LRP1B: variants seen among roughly 807,000 people sequenced by gnomAD.
LRP1B encodes the protein low-density lipoprotein receptor-related protein 1B.
In LRP1B, 217 loss-of-function variants were observed where a neutral mutation model predicts 556.6. That is an observed-to-expected ratio of 0.39 (90% CI 0.35 to 0.44). LRP1B has a LOEUF of 0.44. LRP1B is among the 20% of genes least tolerant of loss of function. The probability of loss-of-function intolerance (pLI) is 1.00; values close to 1 mark genes in which losing one functional copy is unlikely to be tolerated. For synonymous variants in LRP1B, 2,047 were observed against 1,865.8 expected (o/e 1.10, Z -2.50); for missense variants, 5,053 against 5,620.8 (o/e 0.90, Z 3.23).
At chr2:140,506,773 C>A in intron 53 of LRP1B, 23 bp downstream of exon 53, 1 of 1,597,350 alleles carries the variant, frequency 6.3e-7, no homozygotes, top group South Asian at 1.1e-5. Context: ...GAATCTCCTT[C>A]ATGAAGTTTT....
At chr2:140,252,067 A>AAACAAAAAAAAAAAAAAAAAAC in intron 86 of LRP1B, among the ~76,000 whole-genome samples, 1 of 115,908 alleles carries the variant, frequency 8.6e-6, no homozygotes, top group Non-Finnish European at 1.8e-5. Context: ...AGATGCAAAA[A>AAACAAAAAAAAAAAAAAAAAAC]AAAAAAAAAA....
chr2:140,758,211 A>G (rs1436513598), intron 35 of LRP1B, among the ~76,000 whole-genome samples: 1 of 152,090 alleles, frequency 6.6e-6, no homozygotes, highest in Non-Finnish European at 1.5e-5. Context: ...AATCCACATA[A>G]TATAATGTAT....
At chr2:140,371,071 G>A (rs1682972970) in intron 70 of LRP1B, 108 bp downstream of exon 70, 8 of 867,412 alleles carry the variant, frequency 9.2e-6, no homozygotes, top group Non-Finnish European at 1.2e-5. Flanking sequence ...TATCTAACAT[G>A]TTAAACCATG....
chr2:140,499,744 G>A (rs371744607), intron 55 of LRP1B, among the ~76,000 whole-genome samples: 5 of 143,022 alleles, frequency 3.5e-5, no homozygotes, highest in African/African-American at 1.2e-4. Context: ...ATTTAGAAAC[G>A]TTTAAAAAAT....
At chr2:141,760,903 TC>T in intron 2 of LRP1B, among the ~76,000 whole-genome samples, 2 of 152,284 alleles carry the variant, frequency 1.3e-5, no homozygotes, top group East Asian at 3.9e-4. Flanking sequence ...ATTATTACTC[TC>T]CCCACTTTAC....
At chr2:140,872,558 T>G (rs959209441) in intron 25 of LRP1B, among the ~76,000 whole-genome samples, 8 of 151,802 alleles carry the variant, frequency 5.3e-5, no homozygotes, top group Non-Finnish European at 1.0e-4. Flanking sequence ...TTCAGTGTGG[T>G]CTCTACCCAG....
At chr2:141,242,044 A>G (rs1683898091) in intron 5 of LRP1B, among the ~76,000 whole-genome samples, 1 of 152,146 alleles carries the variant, frequency 6.6e-6, no homozygotes. Flanking sequence ...CACTAGTCTC[A>G]TAAGTTGTTA....
At chr2:141,167,769 T>C (rs1403222055) in intron 7 of LRP1B, among the ~76,000 whole-genome samples, 1 of 152,008 alleles carries the variant, frequency 6.6e-6, no homozygotes, top group East Asian at 1.9e-4. Context: ...CTTAAAATCA[T>C]AATCATTTCA....
At chr2:140,962,961 C>T (rs1696081193) in intron 18 of LRP1B, among the ~76,000 whole-genome samples, 2 of 152,056 alleles carry the variant, frequency 1.3e-5, no homozygotes, top group South Asian at 4.1e-4. Flanking sequence ...AAACTGGACC[C>T]TTTAAAAAAA....
chr2:141,923,055 T>C (rs1574495553), intron 1 of LRP1B, among the ~76,000 whole-genome samples: 1 of 151,914 alleles, frequency 6.6e-6, no homozygotes, highest in East Asian at 1.9e-4. Flanking sequence ...ATTGTGATTG[T>C]ACCACTGCAC....
intron 35 of LRP1B, among the ~76,000 whole-genome samples, chr2:140,750,706 T>C (rs1381304068): frequency 6.6e-6 from 1 of 152,178 alleles, no homozygotes; most frequent in Non-Finnish European, 1.5e-5. Context: ...ACTTATTGAC[T>C]ACAGTGACAT....
chr2:140,413,571 A>G (rs911902029), intron 66 of LRP1B, among the ~76,000 whole-genome samples: 4 of 152,264 alleles, frequency 2.6e-5, no homozygotes, highest in East Asian at 1.9e-4. Context: ...AAACAAGAAG[A>G]CACTTACCAT....
intron 43 of LRP1B, among the ~76,000 whole-genome samples, chr2:140,580,526 G>A (rs992611692): frequency 1.6e-4 from 25 of 152,110 alleles, no homozygotes; most frequent in African/African-American, 5.8e-4. Flanking sequence ...CAGAACAACT[G>A]TTTTCCTTTT....
rs1558795324 is a variant in LRP1B, at chr2:141,005,393, G to A, written c.2445C>T (p.Gly815=). ...CSTLCLAIPG[G]RVCACADNQL... The stretch of plus-strand genomic sequence containing the variant: ...GATTATCGGCACAAGCACACACCCG[G>A]CCTCCTGGGATAGCCAAGCAAAGTG... Residue 815 remains glycine (G), a synonymous_variant, in exon 15 of 91, where the codon GGC becomes GGT. Coordinates refer to ENST00000389484, the MANE Select transcript of LRP1B (RefSeq NM_018557.3). 2 of 1,611,132 alleles carry A rather than the reference G, an allele frequency of 1.2e-6. No individual in the cohort carries two copies. The highest frequency in any genetic ancestry group is 2.7e-5 in the African/African-American group (2 of 74,816).
Position 140,469,279 on chromosome 2 carries a change from A to G in LRP1B, c.9625+5859T>C, listed in dbSNP as rs531711645. ...ATGGTGCCCTTATAAAAGAAACTCAAAGGAGCTCACTAGCCCCTTCTGCTG... is the reference window on the plus strand; with the variant it reads ...ATGGTGCCCTTATAAAAGAAACTCAGAGGAGCTCACTAGCCCCTTCTGCTG... On this transcript the variant is annotated intron_variant, in intron 60 of 90. Coordinates refer to ENST00000389484, the MANE Select transcript of LRP1B (RefSeq NM_018557.3). Among the ~76,000 whole-genome samples the G allele has an allele frequency of 2.6e-5, 4 of 152,226 alleles. No individual in the cohort carries two copies. In the South Asian group the frequency reaches 8.3e-4, roughly 32 times the overall value.
chr2:141,943,895 C>A (rs561447267), intron 1 of LRP1B, among the ~76,000 whole-genome samples: 11 of 152,004 alleles, frequency 7.2e-5, no homozygotes, highest in Non-Finnish European at 1.3e-4. Flanking sequence ...AATTATTGGG[C>A]AAATAGGTAA....
chr2:141,056,827 T>C (rs1299767376), intron 9 of LRP1B, among the ~76,000 whole-genome samples: 1 of 151,884 alleles, frequency 6.6e-6, no homozygotes, highest in African/African-American at 2.4e-5. Context: ...TATATTTAAA[T>C]ATACCCTTGA....
At chr2:140,755,971 C>A (rs543078800) in intron 35 of LRP1B, among the ~76,000 whole-genome samples, 13 of 151,718 alleles carry the variant, frequency 8.6e-5, no homozygotes, top group Non-Finnish European at 1.9e-4. Flanking sequence ...AAGGGATCCA[C>A]TAAAAATCTA....
chr2:141,496,141 C>T (rs991903231), intron 2 of LRP1B, among the ~76,000 whole-genome samples: 1 of 151,818 alleles, frequency 6.6e-6, no homozygotes, highest in African/African-American at 2.4e-5. Flanking sequence ...TTTCGTCTTC[C>T]TTGATATTAT....
Sources: gnomAD v4.1 joint callset for allele counts (sites outside exome capture counted in the v4.1 genomes callset) on GRCh38, gnomAD v4.1.1 for gene constraint, MANE v1.5 for transcripts, NCBI Gene and HGNC (gene_info 2026-07-23, HGNC 2026-07-21) for gene names.